Variants in CAP2 observed in about 807,000 individuals in gnomAD.
The protein encoded by CAP2 is adenylyl cyclase-associated protein 2.
Under a neutral mutation model 57.7 loss-of-function variants are expected in CAP2, and 24 were observed. The ratio of observed to expected loss-of-function variants is 0.42; its 90% confidence interval spans 0.30 to 0.58. The LOEUF (loss-of-function observed/expected upper bound fraction) is 0.58, where lower values mean the gene tolerates loss of function less well. CAP2 is among the 20% of genes least tolerant of loss of function. CAP2 has a pLI of 0.22. For missense variants in CAP2, 501 were observed against 590.3 expected (o/e 0.85, Z 1.57); for synonymous variants, 194 against 207.2 (o/e 0.94, Z 0.55).
chr6:17,510,195 T>C (rs1762110019), intron 6 of CAP2, among the ~76,000 whole-genome samples: 1 of 152,114 alleles, frequency 6.6e-6, no homozygotes, highest in Non-Finnish European at 1.5e-5. Flanking sequence ...AGGGTTTCTT[T>C]TGGGGGGTGA....
intron 4 of CAP2, among the ~76,000 whole-genome samples, chr6:17,464,392 A>T (rs1561792959): frequency 6.6e-6 from 1 of 152,222 alleles, no homozygotes. Flanking sequence ...TGAGCTAAGA[A>T]TCCTGGGAAT....
intron 3 of CAP2, among the ~76,000 whole-genome samples, chr6:17,462,065 A>T (rs995294224): frequency 6.6e-6 from 1 of 151,470 alleles, no homozygotes; most frequent in Non-Finnish European, 1.5e-5. Context: ...AAAAACCCAC[A>T]AAAATTAACA....
intron 3 of CAP2, among the ~76,000 whole-genome samples, chr6:17,436,423 G>A (rs537013691): frequency 6.6e-5 from 10 of 152,200 alleles, no homozygotes; most frequent in Non-Finnish European, 7.4e-5. Flanking sequence ...ATGAGCCACC[G>A]CGCCTGGCCC....
In CAP2 at chr6:17,513,978, G is replaced by C; in HGVS notation, c.636+24G>C. The C allele has an allele frequency of 1.4e-6, 2 of 1,431,070 alleles. No individual in the cohort carries two copies. Among genetic ancestry groups the C allele is most frequent in the Non-Finnish European group, 2.0e-6 (2 of 1,013,394 alleles). The allele number at this position is 1,431,070 out of a possible 1,614,324, so 88.6% of individuals were successfully genotyped here. A position where few individuals can be genotyped will look rare whatever the true frequency, so the allele number is the denominator to read the frequency against. ...CAGTGAGTACGAGGCCTTCCTCCAC[G>C]TGTGTAAAAAAAGGCCATGACTATA... On this transcript the variant is annotated intron_variant, in intron 7 of 12. Coordinates refer to ENST00000229922, the MANE Select transcript of CAP2 (RefSeq NM_006366.3). The surrounding 1 kb of genome is among the most constrained non-coding windows in gnomAD (Gnocchi z 4.3).
intron 1 of CAP2, among the ~76,000 whole-genome samples, chr6:17,405,697 T>C (rs1219804579): frequency 6.6e-6 from 1 of 152,168 alleles, no homozygotes. Context: ...TCTTCTTTTG[T>C]TTTGTTTATT....
chr6:17,439,925 C>A (rs1257740959), intron 3 of CAP2, among the ~76,000 whole-genome samples: 1 of 151,446 alleles, frequency 6.6e-6, no homozygotes, highest in African/African-American at 2.4e-5. Flanking sequence ...GGGTTGGGGA[C>A]CCCTGATTCA....
rs377255138 is a variant in CAP2, at chr6:17,465,532, T to C, written c.300+2459T>C. 5.9e-5 allele frequency among the ~76,000 whole-genome samples: 9 copies of C among 152,282 alleles called. No homozygotes were observed. In the East Asian group the frequency reaches 1.4e-3, roughly 23 times the overall value. ...TCCTGGCCCTTCTCTCTACTTCCCT[T>C]TCCTCTTTATTCAGAACACCGTCCT... is the stretch of plus-strand genomic sequence containing the variant. On this transcript the variant is annotated intron_variant, in intron 4 of 12. Transcript: ENST00000229922.
At chr6:17,552,624 T>A (rs925342022) in intron 12 of CAP2, among the ~76,000 whole-genome samples, 5 of 152,104 alleles carry the variant, frequency 3.3e-5, no homozygotes, top group African/African-American at 1.2e-4. Context: ...AGAGTGAGAC[T>A]CAGTCACAAA....
intron 3 of CAP2, among the ~76,000 whole-genome samples, chr6:17,442,074 C>G (rs1581522590): frequency 6.6e-6 from 1 of 152,276 alleles, no homozygotes; most frequent in South Asian, 2.1e-4. Context: ...TTAGCCTTTC[C>G]TGGCCTGTTT....
At chr6:17,551,378 C>T (rs1346392147) in intron 11 of CAP2, 86 bp from the exon 12 acceptor site, 7 of 1,159,746 alleles carry the variant, frequency 6.0e-6, no homozygotes, top group Non-Finnish European at 8.6e-6. Flanking sequence ...CAAGCTAAAG[C>T]CAAGAGGAAT....
At chr6:17,393,998 GCC>G (rs947928944) in intron 1 of CAP2, among the ~76,000 whole-genome samples, 1 of 148,740 alleles carries the variant, frequency 6.7e-6, no homozygotes, top group African/African-American at 2.4e-5. Context: ...GGCGCGCCCT[GCC>G]CCCGCCTCCC....
intron 7 of CAP2, among the ~76,000 whole-genome samples, chr6:17,524,514 A>G (rs1378385246): frequency 6.6e-6 from 1 of 152,168 alleles, no homozygotes; most frequent in Non-Finnish European, 1.5e-5. Flanking sequence ...AGCAATGTGC[A>G]GCAGCAGCAG....
chr6:17,534,092 A>G (rs1352081612), intron 7 of CAP2, among the ~76,000 whole-genome samples: 1 of 152,124 alleles, frequency 6.6e-6, no homozygotes, highest in Non-Finnish European at 1.5e-5. Flanking sequence ...TCTCAACTTC[A>G]CTTTCCTGTC....
intron 4 of CAP2, among the ~76,000 whole-genome samples, chr6:17,465,619 G>C: frequency 6.6e-6 from 1 of 152,096 alleles, no homozygotes; most frequent in Non-Finnish European, 1.5e-5. Flanking sequence ...CAGAACCCCT[G>C]TCCACTCCAG....
chr6:17,406,394 A>ATTTATTTTTTTTTTTTT, intron 1 of CAP2, among the ~76,000 whole-genome samples: 1 of 91,964 alleles, frequency 1.1e-5, no homozygotes, highest in East Asian at 2.5e-4. Flanking sequence ...GTAAGCCCAG[A>ATTTATTTTTTTTTTTTT]TTTCTTTTTT....
At chr6:17,420,871 T>C (rs1055645444) in intron 1 of CAP2, among the ~76,000 whole-genome samples, 6 of 152,210 alleles carry the variant, frequency 3.9e-5, no homozygotes, top group Non-Finnish European at 8.8e-5. Context: ...TTAGGTTCTT[T>C]TGAATTTCAC....
At chr6:17,394,784 T>C (rs1758628342) in intron 1 of CAP2, among the ~76,000 whole-genome samples, 1 of 152,192 alleles carries the variant, frequency 6.6e-6, no homozygotes, top group South Asian at 2.1e-4. Flanking sequence ...CTTTAGAGAA[T>C]TGGATTTATA....
chr6:17,496,034 G>GT lies in CAP2; in HGVS notation c.301-11135_301-11134insT, dbSNP rs1321643400. Reference sequence around the variant, plus strand: ...TGTGCATGCGTGTGTGGGTGGGGGGGGGGGGTAAGTCAGGGAAAACAGGCT... The same window carrying GT: ...TGTGCATGCGTGTGTGGGTGGGGGGGTGGGGGTAAGTCAGGGAAAACAGGCT... On this transcript the variant is annotated intron_variant, in intron 4 of 12. Transcript: ENST00000229922. Among the ~76,000 whole-genome samples the GT allele has an allele frequency of 4.3e-5, 5 of 117,304 alleles. 1 individual carries two copies. The highest frequency in any genetic ancestry group is 2.5e-4 in the African/African-American group (5 of 20,340). 77.0% of individuals were successfully genotyped at this position (117,304 alleles called of 152,430 possible).
chr6:17,556,200 G>T (rs748353921), intron 12 of CAP2, among the ~76,000 whole-genome samples, 159 bp from the exon 13 acceptor site: 3 of 152,118 alleles, frequency 2.0e-5, no homozygotes, highest in Non-Finnish European at 4.4e-5. Context: ...AAGTCTCCAC[G>T]TGACAAAGAC....
Sources: allele counts gnomAD v4.1 joint callset (sites outside exome capture counted in the v4.1 genomes callset), GRCh38; gene constraint gnomAD v4.1.1; non-coding constraint Gnocchi (gnomAD v3.1); transcripts MANE v1.5; gene names NCBI Gene and HGNC (gene_info 2026-07-23, HGNC 2026-07-21).